GRIK2: variants seen among roughly 807,000 people sequenced by gnomAD.
The protein encoded by GRIK2 is glutamate ionotropic receptor kainate type subunit 2, also known as glutamate receptor ionotropic, kainate 2.
Under a neutral mutation model 100.3 loss-of-function variants are expected in GRIK2, and 32 were observed. The observed-to-expected ratio is 0.32, with a 90% CI of 0.24 to 0.43. The LOEUF (loss-of-function observed/expected upper bound fraction) is 0.43. Among genes scored for constraint, GRIK2 ranks in the 20% least tolerant of loss-of-function variants. The probability of loss-of-function intolerance (pLI) is 1.00; values close to 1 mark genes in which losing one functional copy is unlikely to be tolerated. For missense variants in GRIK2, 843 were observed against 1,114.9 expected, an observed-to-expected ratio of 0.76 and a Z score of 3.47; for synonymous variants, 417 against 389.4, an observed-to-expected ratio of 1.07 and a Z score of -0.83.
chr6:102,005,195 G>A (rs1795147824), intron 14 of GRIK2, among the ~76,000 whole-genome samples: 1 of 150,996 alleles, frequency 6.6e-6, no homozygotes, highest in Non-Finnish European at 1.5e-5. Flanking sequence ...TCTAAGATAT[G>A]TACATATATA....
At chr6:102,007,040 A>G (rs1562106218) in intron 14 of GRIK2, among the ~76,000 whole-genome samples, 1 of 152,132 alleles carries the variant, frequency 6.6e-6, no homozygotes, top group Non-Finnish European at 1.5e-5. Flanking sequence ...TATGTATAAA[A>G]AGCTAGATTG....
At chr6:101,587,116 T>C (rs1419045801) in intron 2 of GRIK2, among the ~76,000 whole-genome samples, 1 of 151,542 alleles carries the variant, frequency 6.6e-6, no homozygotes, top group African/African-American at 2.4e-5. Flanking sequence ...TAAATAAAAA[T>C]AGGGTTTTAA....
At chr6:101,410,111 C>A (rs1353973861) in intron 2 of GRIK2, among the ~76,000 whole-genome samples, 1 of 151,856 alleles carries the variant, frequency 6.6e-6, no homozygotes, top group Admixed American at 6.6e-5. Flanking sequence ...AGAAACAAAC[C>A]AAAACTGAAA....
At chr6:101,566,340 T>C (rs1031998250) in intron 2 of GRIK2, among the ~76,000 whole-genome samples, 1 of 152,034 alleles carries the variant, frequency 6.6e-6, no homozygotes, top group African/African-American at 2.4e-5. Context: ...TTCAAATGTA[T>C]TGAAGAAAAT....
At chr6:101,752,110 GTTCT>G (rs1776828098) in intron 7 of GRIK2, among the ~76,000 whole-genome samples, 1 of 151,988 alleles carries the variant, frequency 6.6e-6, no homozygotes, top group East Asian at 1.9e-4. Context: ...TGATAAATTG[GTTCT>G]TTATCATCTT....
chr6:101,866,194 A>C (rs1785045507), intron 11 of GRIK2, among the ~76,000 whole-genome samples: 1 of 152,202 alleles, frequency 6.6e-6, no homozygotes, highest in Admixed American at 6.5e-5. Flanking sequence ...TTTCCACATC[A>C]GTCATAAAAT....
intron 11 of GRIK2, among the ~76,000 whole-genome samples, chr6:101,876,849 T>C (rs553684641): frequency 6.6e-6 from 1 of 151,892 alleles, no homozygotes; most frequent in Admixed American, 6.6e-5. Flanking sequence ...TATTTTTAGG[T>C]TATTTCACTA....
intron 4 of GRIK2, among the ~76,000 whole-genome samples, chr6:101,637,406 T>TCA (rs1781074701): frequency 6.6e-6 from 1 of 152,170 alleles, no homozygotes; most frequent in Non-Finnish European, 1.5e-5. Flanking sequence ...CCCTCTTTAT[T>TCA]GGGTTGCCCA....
chr6:101,459,964 T>C (rs1439027163), intron 2 of GRIK2, among the ~76,000 whole-genome samples: 1 of 152,026 alleles, frequency 6.6e-6, no homozygotes, highest in Admixed American at 6.5e-5. Context: ...ACCACTTTGG[T>C]CAGGCTGGTC....
intron 7 of GRIK2, among the ~76,000 whole-genome samples, chr6:101,722,743 G>A (rs1411369126): frequency 1.3e-5 from 2 of 152,092 alleles, no homozygotes; most frequent in Non-Finnish European, 2.9e-5. Flanking sequence ...GAGATGGTGG[G>A]GAGGAGATAA....
At chr6:102,058,270 A>T (rs1771563153) in intron 16 of GRIK2, among the ~76,000 whole-genome samples, 1 of 151,658 alleles carries the variant, frequency 6.6e-6, no homozygotes, top group South Asian at 2.1e-4. Flanking sequence ...GTTAGGACAA[A>T]TACCTAGTAT....
chr6:102,030,604 A>G (rs1769935181), intron 14 of GRIK2, among the ~76,000 whole-genome samples: 1 of 151,210 alleles, frequency 6.6e-6, no homozygotes, highest in African/African-American at 2.4e-5. Context: ...TAGCAAAATC[A>G]CTACAAGGGA....
chr6:101,558,483 G>A (rs1443429743), intron 2 of GRIK2, among the ~76,000 whole-genome samples: 1 of 152,094 alleles, frequency 6.6e-6, no homozygotes, highest in African/African-American at 2.4e-5. Flanking sequence ...GGTATATTAA[G>A]TTCCCTTGTA....
intron 7 of GRIK2, among the ~76,000 whole-genome samples, chr6:101,763,873 G>A (rs1254778674): frequency 1.3e-5 from 2 of 150,396 alleles, no homozygotes; most frequent in African/African-American, 2.4e-5. Flanking sequence ...AAATTATGAA[G>A]CCAGCCTTGT....
intron 15 of GRIK2, among the ~76,000 whole-genome samples, chr6:102,050,807 AGAAG>A (rs1038293132): frequency 1.3e-4 from 20 of 151,672 alleles, no homozygotes; most frequent in Non-Finnish European, 2.1e-4. Flanking sequence ...GAGGGAGGAC[AGAAG>A]GAAGGAAGGA....
intron 14 of GRIK2, among the ~76,000 whole-genome samples, chr6:101,958,783 G>T (rs190160106): frequency 6.6e-6 from 1 of 151,972 alleles, no homozygotes; most frequent in Non-Finnish European, 1.5e-5. Flanking sequence ...ATTGAGATGA[G>T]CATATGGTTT....
chr6:101,662,136 G>C (rs1301084882), intron 4 of GRIK2, among the ~76,000 whole-genome samples: 1 of 152,112 alleles, frequency 6.6e-6, no homozygotes, highest in African/African-American at 2.4e-5. Flanking sequence ...AAAACAGCTG[G>C]GCCAATTATA....
chr6:101,986,283 A>G (rs1172707025), intron 14 of GRIK2, among the ~76,000 whole-genome samples: 4 of 151,910 alleles, frequency 2.6e-5, no homozygotes, highest in African/African-American at 9.7e-5. Context: ...ATTATGAATA[A>G]TGGAGATTTA....
intron 2 of GRIK2, among the ~76,000 whole-genome samples, chr6:101,522,614 CAAG>C (rs1481553048): frequency 2.6e-5 from 4 of 152,094 alleles, no homozygotes; most frequent in African/African-American, 7.2e-5. Flanking sequence ...CCCAAGTATT[CAAG>C]AAGAAGAAGG....
Sources: gnomAD v4.1 joint callset for allele counts (sites outside exome capture counted in the v4.1 genomes callset) on GRCh38, gnomAD v4.1.1 for gene constraint, MANE v1.5 for transcripts, NCBI Gene and HGNC (gene_info 2026-07-23, HGNC 2026-07-21) for gene names.